The following GLIS3 variants were observed in gnomAD, a reference collection of about 807,000 sequenced individuals.
GLIS3 encodes the protein zinc finger protein GLIS3.
Under a neutral mutation model 78.6 loss-of-function variants are expected in GLIS3, and 53 were observed. The observed-to-expected ratio is 0.67, with a 90% CI of 0.54 to 0.85. GLIS3 has a LOEUF of 0.85. Ranked by LOEUF, GLIS3 falls within the 40% of genes least tolerant of loss-of-function variation. GLIS3 has a pLI of 0.00. For synonymous variants in GLIS3, 684 were observed against 509.9 expected (o/e 1.34, Z -4.60); for missense variants, 1,703 against 1,231.1 (o/e 1.38, Z -5.74).
chr9:4,192,294 G>C (rs560727701), intron 2 of GLIS3, among the ~76,000 whole-genome samples: 54 of 152,254 alleles, frequency 3.5e-4, no homozygotes, highest in African/African-American at 1.1e-3. Context: ...TGAAATGTGG[G>C]CTTAAAATAT....
rs181005793 is a variant in GLIS3, at chr9:4,341,988, C to T, written n.264+5093G>A. ...AATTTGCTTAAGTTCCTTGTGGATT[C>T]TGGATATTAGACCTTTGTTGGATGC... is the stretch of plus-strand genomic sequence containing the variant. On this transcript the variant is annotated intron_variant and non_coding_transcript_variant, in intron 2 of 4. Transcript: ENST00000471664. 2.0e-5 allele frequency among the ~76,000 whole-genome samples: 3 copies of T among 152,296 alleles called. No individual in the cohort carries two copies. In the East Asian group the frequency reaches 5.8e-4, roughly 29 times the overall value.
rs777825095 is a variant in GLIS3 at position 4,118,310 on chromosome 9, G to C, written c.1168C>G (p.Leu390Val). 6.3e-7 allele frequency: 1 copy of C among 1,576,282 alleles called. No individual in the cohort carries two copies. The highest frequency in any genetic ancestry group is 8.6e-7 in the Non-Finnish European group (1 of 1,163,486). Residue 390 changes from leucine to valine, a missense_variant, in exon 4 of 11, where the codon CTG (leucine) becomes GTG (valine). Transcript: ENST00000381971. The surrounding 1 kb of genome is among the most constrained non-coding windows in gnomAD (Gnocchi z 4.7). Reference sequence around the variant, plus strand: ...AGCTGTTGCATGCGCTCGTGCTCCAGGGCCCCGTCCTCGCCGTAGGCCGGC... The same window carrying C: ...AGCTGTTGCATGCGCTCGTGCTCCACGGCCCCGTCCTCGCCGTAGGCCGGC... ...ALPAYGEDGALEHERMQQLEH... is the reference protein window; with the variant it reads ...ALPAYGEDGAVEHERMQQLEH...
rs1018735027 is a variant in GLIS3, at chr9:3,882,846, T to C, written c.2129-3251A>G. Among the ~76,000 whole-genome samples, 11 of 152,332 alleles carry C rather than the reference T, an allele frequency of 7.2e-5. No homozygotes were observed. In the East Asian group the frequency reaches 1.9e-3, roughly 27 times the overall value. The stretch of plus-strand genomic sequence containing the variant: ...TCACTTCTCTGGAAAACAAGGTCTA[T>C]GACTTGCCTTTACTTTCTATAGTAT... On this transcript the variant is annotated intron_variant, in intron 7 of 10. Transcript: ENST00000381971.
chr9:4,309,262 A>C (rs1187756199), intron 3 of GLIS3, among the ~76,000 whole-genome samples: 1 of 152,254 alleles, frequency 6.6e-6, no homozygotes, highest in African/African-American at 2.4e-5. Flanking sequence ...TAGTCTGTTA[A>C]GTGAACAAAG....
the GLIS3 span, among the ~76,000 whole-genome samples, chr9:4,396,117 C>G: frequency 7.1e-6 from 1 of 141,098 alleles, no homozygotes; most frequent in African/African-American, 2.6e-5. Flanking sequence ...GCCATTTTTA[C>G]TTTTTTTTTT....
rs184476932 is a variant in GLIS3 at position 4,265,850 on chromosome 9, G to C, written c.388+20188C>G. 2.0e-5 allele frequency among the ~76,000 whole-genome samples: 3 copies of C among 151,944 alleles called. No individual in the cohort carries two copies. In the East Asian group the frequency reaches 5.8e-4, roughly 29 times the overall value. ...TACCAAGGGTGACAACTTCACAACTGAGTGTCAACCAAAAGCAGAATGTTT... is the reference window on the plus strand; with the variant it reads ...TACCAAGGGTGACAACTTCACAACTCAGTGTCAACCAAAAGCAGAATGTTT... On this transcript the variant is annotated intron_variant, in intron 2 of 10. Transcript: ENST00000381971.
At chr9:4,471,806 A>G in the GLIS3 span, among the ~76,000 whole-genome samples, 2 of 152,340 alleles carry the variant, frequency 1.3e-5, no homozygotes, top group African/African-American at 4.8e-5. Context: ...AACTACCATC[A>G]GAGTGAACAG....
At chr9:4,055,257 A>T (rs1233863383) in intron 4 of GLIS3, among the ~76,000 whole-genome samples, 1 of 152,204 alleles carries the variant, frequency 6.6e-6, no homozygotes, top group Non-Finnish European at 1.5e-5. Flanking sequence ...TATTCTGAGA[A>T]ATGTAGCTAC....
At chr9:4,356,469 A>G in the GLIS3 span, among the ~76,000 whole-genome samples, 2 of 152,212 alleles carry the variant, frequency 1.3e-5, no homozygotes, top group African/African-American at 4.8e-5. Context: ...TTTCACATGG[A>G]GAGCAGAGAA....
intron 2 of GLIS3, among the ~76,000 whole-genome samples, chr9:4,150,294 T>C (rs1390051589): frequency 6.6e-6 from 1 of 152,010 alleles, no homozygotes; most frequent in African/African-American, 2.4e-5. Flanking sequence ...AAAAGCAGAG[T>C]CCAACCAGCC....
chr9:4,450,501 C>A, the GLIS3 span, among the ~76,000 whole-genome samples: 8 of 152,202 alleles, frequency 5.3e-5, no homozygotes, highest in South Asian at 8.3e-4. Context: ...CAGACAATGC[C>A]ACAAAGATAC....
In GLIS3 at chr9:4,002,498, A is replaced by G. The variant is rs143617923; in HGVS notation, c.1711-65309T>C. ...GCTCCAGCATTGTTCTAGGCCCTAC[A>G]TAATACTCAGTTCTCTCATATTTGA... is the stretch of plus-strand genomic sequence containing the variant. On this transcript the variant is annotated intron_variant, in intron 4 of 10. Coordinates refer to ENST00000381971, the MANE Select transcript of GLIS3 (RefSeq NM_001042413.2). 1.2e-4 allele frequency among the ~76,000 whole-genome samples: 19 copies of G among 152,332 alleles called. No homozygotes were observed. The East Asian group carries it at 3.5e-3, about 28-fold the overall frequency.
At chr9:4,178,258 C>T (rs1263825673) in intron 2 of GLIS3, among the ~76,000 whole-genome samples, 1 of 151,728 alleles carries the variant, frequency 6.6e-6, no homozygotes, top group Non-Finnish European at 1.5e-5. Context: ...ATTTCTGCCC[C>T]CACAATTTAC....
At chr9:4,267,979 G>C (rs1432306028) in intron 2 of GLIS3, among the ~76,000 whole-genome samples, 1 of 150,754 alleles carries the variant, frequency 6.6e-6, no homozygotes, top group African/African-American at 2.5e-5. Context: ...GTGTGTGTAT[G>C]TGCATGTGTA....
the GLIS3 span, among the ~76,000 whole-genome samples, chr9:4,413,403 C>T: frequency 1.3e-5 from 2 of 152,094 alleles, no homozygotes; most frequent in African/African-American, 4.8e-5. Context: ...ACTGTTAATC[C>T]CTGTTCTAAT....
intron 2 of GLIS3, among the ~76,000 whole-genome samples, chr9:4,196,919 A>C (rs1818910990): frequency 6.6e-6 from 1 of 152,170 alleles, no homozygotes; most frequent in Non-Finnish European, 1.5e-5. Flanking sequence ...ATCATGGTGC[A>C]GTAGGGCCCT....
At chr9:3,886,171 C>A (rs1277662233) in intron 7 of GLIS3, among the ~76,000 whole-genome samples, 5 of 152,150 alleles carry the variant, frequency 3.3e-5, no homozygotes, top group African/African-American at 9.7e-5. Flanking sequence ...AGTATGACCT[C>A]CTATCTAAAC....
At chr9:4,187,571 A>G (rs978285817) in intron 2 of GLIS3, among the ~76,000 whole-genome samples, 17 of 152,198 alleles carry the variant, frequency 1.1e-4, no homozygotes, top group South Asian at 2.1e-4. Context: ...CATTGAATCT[A>G]TAAATGACCT....
intron 6 of GLIS3, among the ~76,000 whole-genome samples, chr9:3,924,739 G>T (rs903888452): frequency 3.9e-5 from 6 of 152,218 alleles, no homozygotes; most frequent in Non-Finnish European, 8.8e-5. Flanking sequence ...TGGGGATGGA[G>T]AGGGAGTGCC....
Sources: gnomAD v4.1 joint callset for allele counts (sites outside exome capture counted in the v4.1 genomes callset) on GRCh38, gnomAD v4.1.1 for gene constraint, Gnocchi (gnomAD v3.1) non-coding constraint, MANE v1.5 for transcripts, NCBI Gene and HGNC (gene_info 2026-07-23, HGNC 2026-07-21) for gene names.